Variants in NF1 observed in about 807,000 individuals in gnomAD.
The protein encoded by NF1 is neurofibromin.
Under a neutral mutation model 325.7 loss-of-function variants are expected in NF1, and 122 were observed. That is an observed-to-expected ratio of 0.37 (90% CI 0.32 to 0.44). The LOEUF (loss-of-function observed/expected upper bound fraction) is 0.44. Among genes scored for constraint, NF1 ranks in the 20% least tolerant of loss-of-function variants. NF1 has a pLI of 1.00. For missense variants in NF1, 2,140 were observed against 3,415.4 expected (o/e 0.63, Z 9.31); for synonymous variants, 1,091 against 1,186.0 (o/e 0.92, Z 1.65).
intron 36 of NF1, among the ~76,000 whole-genome samples, chr17:31,311,917 T>G (rs1030730297): frequency 9.9e-5 from 15 of 152,208 alleles, no homozygotes; most frequent in African/African-American, 3.6e-4. Context: ...ATAACACTTG[T>G]AGGTAGTCTT....
intron 57 of NF1, among the ~76,000 whole-genome samples, chr17:31,367,959 TAA>T (rs575282371): frequency 7.0e-6 from 1 of 143,344 alleles, no homozygotes; most frequent in African/African-American, 2.5e-5. Flanking sequence ...ACAAAAAAAT[TAA>T]AAAAAAAAAA....
At chr17:31,308,574 C>T (rs980938491) in intron 36 of NF1, among the ~76,000 whole-genome samples, 35 of 152,312 alleles carry the variant, frequency 2.3e-4, no homozygotes, top group Admixed American at 2.0e-3. Context: ...TTTCTAAACA[C>T]ACGATTTTTC....
At chr17:31,269,363 C>G (rs73988045) in intron 36 of NF1, among the ~76,000 whole-genome samples, 28 of 152,144 alleles carry the variant, frequency 1.8e-4, no homozygotes, top group Middle Eastern at 3.4e-3. Context: ...TAGCATAATA[C>G]AAGGACATTG....
chr17:31,107,775 G>GGCAT (rs1327596568), intron 1 of NF1, among the ~76,000 whole-genome samples: 1 of 152,008 alleles, frequency 6.6e-6, no homozygotes, highest in Admixed American at 6.6e-5. Context: ...TCAGTACTCA[G>GGCAT]GCATACCATT....
At chr17:31,309,796 A>G in intron 36 of NF1, among the ~76,000 whole-genome samples, 1 of 152,200 alleles carries the variant, frequency 6.6e-6, no homozygotes, top group East Asian at 1.9e-4. Context: ...TACTGTCAGT[A>G]GTAAGCTGGT....
At position 31,343,031 on chromosome 17, in the gene NF1, C is replaced by G; in HGVS notation, c.7085C>G (p.Ala2362Gly). ...TAGAGTCCAGAGGAAGTATTTATGG[C>G]AATCCGGAATCCTCTGGAGTGGCAC... ...NDKSPEEVFM[A>G]IRNPLEWHCK... Residue 2362 changes from alanine to glycine, a missense_variant, in exon 48 of 58, where the codon GCA (alanine) becomes GGA (glycine). Ala to Gly is a moderately conservative substitution (Grantham distance 60). Coordinates refer to ENST00000358273, the MANE Select transcript of NF1 (RefSeq NM_001042492.3). The G allele has an allele frequency of 6.2e-7, 1 of 1,614,058 alleles. No homozygotes were observed. The highest frequency in any genetic ancestry group is 8.5e-7 in the Non-Finnish European group (1 of 1,179,978).
At chr17:31,211,573 T>C (rs2066728550) in intron 12 of NF1, among the ~76,000 whole-genome samples, 1 of 152,196 alleles carries the variant, frequency 6.6e-6, no homozygotes, top group African/African-American at 2.4e-5. Flanking sequence ...TGAACCTAGA[T>C]GGTTATATAG....
intron 1 of NF1, among the ~76,000 whole-genome samples, chr17:31,102,813 A>G (rs922158547): frequency 6.7e-6 from 1 of 148,922 alleles, no homozygotes; most frequent in Non-Finnish European, 1.5e-5. Context: ...ACCTTACTTT[A>G]GTATCCATTG....
rs2067134298 is a variant in NF1 at position 31,232,713 on chromosome 17, T to C, written c.3328T>C (p.Phe1110Leu). Reference sequence around the variant, plus strand: ...TTTATTTCTCAGATACTTCACATTATTTATGAACCTTTTGAATGACTGCAG... The same window carrying C: ...TTTATTTCTCAGATACTTCACATTACTTATGAACCTTTTGAATGACTGCAG... The part of the protein sequence containing the change: ...SQLFLKYFTL[F>L]MNLLNDCSEV... Residue 1110 changes from phenylalanine to leucine, a missense_variant, in exon 26 of 58, where the codon TTT becomes CTT. Transcript: ENST00000358273. The C allele has an allele frequency of 6.2e-7, 1 of 1,613,994 alleles. No homozygotes were observed. The highest frequency in any genetic ancestry group is 8.5e-7 in the Non-Finnish European group (1 of 1,179,956).
intron 1 of NF1, among the ~76,000 whole-genome samples, chr17:31,134,146 C>T (rs1248467963): frequency 6.6e-6 from 1 of 152,136 alleles, no homozygotes; most frequent in Non-Finnish European, 1.5e-5. Context: ...CCCCAAAGTG[C>T]TGGGATTATA....
At position 31,346,101 on chromosome 17, in the gene NF1, T is replaced by C; in HGVS notation, c.7189+2966T>C. 1.9e-6 allele frequency: 3 copies of C among 1,611,988 alleles called. 1 individual carries two copies. The South Asian group carries it at 3.3e-5, about 18-fold the overall frequency. ...GAGCCGAGGAGTGCTCCACCAATTT[T>C]CCGGAACGGAGACGAACAAAATCTG... is the stretch of plus-strand genomic sequence containing the variant. On this transcript the variant is annotated intron_variant, in intron 48 of 57. Coordinates refer to ENST00000358273, the MANE Select transcript of NF1 (RefSeq NM_001042492.3).
intron 18 of NF1, 44 bp downstream of exon 18, chr17:31,226,728 C>T (rs1206368409): frequency 6.2e-7 from 1 of 1,610,796 alleles, no homozygotes. Context: ...TGCCTCAAAG[C>T]ACATGGCATC....
rs186556778 is a variant in NF1 at position 31,260,393 on chromosome 17, T to C, written c.4455T>C (p.Asp1485=). Residue 1485 remains aspartate, a synonymous_variant, in exon 34 of 58, where the codon GAT becomes GAC. Coordinates refer to ENST00000358273, the MANE Select transcript of NF1 (RefSeq NM_001042492.3). ...GGTTTTTCCTTGATATAGCATCTGA[T>C]TGTCCTACAAGTGATGCAGTAAATC... The part of the protein sequence containing the change: ...ARRFFLDIAS[D]CPTSDAVNHS... 1.2e-6 allele frequency: 2 copies of C among 1,614,018 alleles called. No homozygotes were observed. Among genetic ancestry groups the C allele is most frequent in the African/African-American group, 1.3e-5 (1 of 75,074 alleles).
intron 8 of NF1, among the ~76,000 whole-genome samples, chr17:31,189,526 T>G (rs2066302550): frequency 6.6e-6 from 1 of 152,132 alleles, no homozygotes; most frequent in Admixed American, 6.6e-5. Context: ...TAGTAATCAC[T>G]CCCTGTTCCT....
At chr17:31,275,276 A>G (rs1038100383) in intron 36 of NF1, among the ~76,000 whole-genome samples, 1 of 152,216 alleles carries the variant, frequency 6.6e-6, no homozygotes, top group Non-Finnish European at 1.5e-5. Flanking sequence ...GGAAAATTCC[A>G]GAAATAAACA....
chr17:31,145,365 G>T (rs1309719571), intron 1 of NF1, among the ~76,000 whole-genome samples: 1 of 152,050 alleles, frequency 6.6e-6, no homozygotes, highest in Non-Finnish European at 1.5e-5. Context: ...GCTAATTTTT[G>T]TATTTTTGGG....
At chr17:31,352,184 C>T in intron 50 of NF1, 73 bp from the exon 51 acceptor site, 1 of 1,452,462 alleles carries the variant, frequency 6.9e-7, no homozygotes, top group Non-Finnish European at 9.6e-7. Flanking sequence ...AGGACAGCCA[C>T]TTGGAAGGAG....
intron 30 of NF1, chr17:31,252,120 CT>C (rs1193012915): frequency 0.079 from 11,209 of 141,308 alleles, 125 homozygotes; most frequent in Middle Eastern, 0.14. Flanking sequence ...TTTTAGGTGG[CT>C]TTTTTTTTTT....
chr17:31,234,351 G>T (rs1480834883), intron 27 of NF1, among the ~76,000 whole-genome samples: 1 of 152,120 alleles, frequency 6.6e-6, no homozygotes, highest in African/African-American at 2.4e-5. Context: ...CCTATAATTA[G>T]CACTGAAAAT....
Sources: allele counts gnomAD v4.1 joint callset (sites outside exome capture counted in the v4.1 genomes callset), GRCh38; gene constraint gnomAD v4.1.1; transcripts MANE v1.5; gene names NCBI Gene and HGNC (gene_info 2026-07-23, HGNC 2026-07-21).